Variants in TEAD1 observed in about 807,000 individuals in gnomAD.
The protein encoded by TEAD1 is TEA domain transcription factor 1.
A neutral mutation model predicts 54.9 loss-of-function variants in TEAD1; 9 were observed. The ratio of observed to expected loss-of-function variants is 0.16; its 90% CI spans 0.10 to 0.29. The LOEUF (loss-of-function observed/expected upper bound fraction) is 0.29, where lower values mean the gene tolerates loss of function less well. Ranked by LOEUF, TEAD1 falls within the 10% of genes least tolerant of loss-of-function variation. The pLI, the probability that TEAD1 is intolerant of heterozygous loss-of-function variation, is 1.00. For synonymous variants in TEAD1, 200 were observed against 187.8 expected (o/e 1.07, Z -0.53); for missense variants, 387 against 535.9 (o/e 0.72, Z 2.74).
In TEAD1 at chr11:12,944,517, A is replaced by T. The variant is rs1396381091; in HGVS notation, c.*7295A>T. The T allele has an allele frequency of 6.6e-6, 1 of 152,268 alleles. No individual in the cohort carries two copies. Among genetic ancestry groups the T allele is most frequent in the Admixed American group, 6.6e-5 (1 of 15,256 alleles). The allele number at this position is 152,268 out of a possible 1,614,324, so 9.4% of individuals were successfully genotyped here. A position where few individuals can be genotyped will look rare whatever the true frequency, so the allele number is the denominator to read the frequency against. On this transcript the variant is annotated 3_prime_UTR_variant, in exon 13 of 13. Transcript: ENST00000527636. ...AAAAATGTATTCTAGCTTTTGCGGT[A>T]CATATGTGTGATAACTTTAATACCC...
chr11:12,732,007 G>A (rs1944434587), intron 2 of TEAD1, among the ~76,000 whole-genome samples: 1 of 152,092 alleles, frequency 6.6e-6, no homozygotes, highest in Non-Finnish European at 1.5e-5. Flanking sequence ...GTCACACTGA[G>A]TCATTGAGCT....
In TEAD1 at chr11:12,751,886, G is replaced by A. The variant is rs201446676; in HGVS notation, c.-54-12293G>A. On this transcript the variant is annotated intron_variant, in intron 2 of 12. Transcript: ENST00000527636. ...TGAGCACTCTCTGAGGGGCCTGCCA[G>A]TGTGGCTCAGTGCACTTTGGTGGCT... Among the ~76,000 whole-genome samples the A allele has an allele frequency of 1.2e-4, 19 of 152,342 alleles. No homozygotes were observed. The East Asian group carries it at 3.7e-3, about 29-fold the overall frequency.
intron 2 of TEAD1, among the ~76,000 whole-genome samples, chr11:12,718,116 C>T (rs570474250): frequency 2.0e-5 from 3 of 152,276 alleles, no homozygotes; most frequent in Non-Finnish European, 4.4e-5. Context: ...AGTCATCATT[C>T]AGAGTCCGCT....
chr11:12,805,744 T>TA (rs1946156642), intron 3 of TEAD1, among the ~76,000 whole-genome samples: 1 of 152,220 alleles, frequency 6.6e-6, no homozygotes, highest in African/African-American at 2.4e-5. Context: ...TGTGATTAGA[T>TA]AAAGATTAGT....
intron 2 of TEAD1, among the ~76,000 whole-genome samples, chr11:12,692,677 G>A (rs1044804922): frequency 2.6e-5 from 4 of 152,128 alleles, no homozygotes; most frequent in Non-Finnish European, 5.9e-5. Flanking sequence ...TGTGCCCCGC[G>A]GTAAACTCAG....
intron 9 of TEAD1, among the ~76,000 whole-genome samples, chr11:12,897,176 A>G (rs1281595312): frequency 6.6e-6 from 1 of 152,240 alleles, no homozygotes; most frequent in Admixed American, 6.5e-5. Flanking sequence ...TTTGTGCCCC[A>G]TAGAATAGAA....
chr11:12,754,867 C>T (rs756741001), intron 2 of TEAD1, among the ~76,000 whole-genome samples: 27 of 152,164 alleles, frequency 1.8e-4, no homozygotes, highest in Non-Finnish European at 3.8e-4. Flanking sequence ...ATGCCTGTCT[C>T]AATAATTTAG....
intron 10 of TEAD1, among the ~76,000 whole-genome samples, chr11:12,921,930 G>T (rs1472846303): frequency 1.3e-5 from 2 of 152,010 alleles, no homozygotes; most frequent in Non-Finnish European, 2.9e-5. Flanking sequence ...TGCACACCTG[G>T]GTATTTTTGT....
At chr11:12,755,375 C>T (rs1944964284) in intron 2 of TEAD1, among the ~76,000 whole-genome samples, 1 of 152,122 alleles carries the variant, frequency 6.6e-6, no homozygotes, top group Non-Finnish European at 1.5e-5. Context: ...GTGAATCGTA[C>T]CAACTAAGAA....
rs142995417 is a variant in TEAD1 at position 12,743,992 on chromosome 11, C to T, written c.-54-20187C>T. Reference sequence around the variant, plus strand: ...AAACAACCAGTATAGTTGTACCAGTCGGGTACTGGAGGTGGTGTGGGAGAG... The same window carrying T: ...AAACAACCAGTATAGTTGTACCAGTTGGGTACTGGAGGTGGTGTGGGAGAG... On this transcript the variant is annotated intron_variant, in intron 2 of 12. Transcript: ENST00000527636. Among the ~76,000 whole-genome samples, 609 of 152,276 alleles carry T rather than the reference C, an allele frequency of 4.0e-3. 2 individuals carry two copies. The highest frequency in any genetic ancestry group is 0.014 in the African/African-American group (578 of 41,556).
At chr11:12,818,912 C>T (rs1415430674) in intron 3 of TEAD1, among the ~76,000 whole-genome samples, 1 of 152,174 alleles carries the variant, frequency 6.6e-6, no homozygotes, top group Non-Finnish European at 1.5e-5. Flanking sequence ...AAGAGAGCTA[C>T]AAATAGAAAG....
intron 5 of TEAD1, among the ~76,000 whole-genome samples, chr11:12,873,155 G>T (rs1273183761): frequency 6.6e-6 from 1 of 152,150 alleles, no homozygotes; most frequent in Non-Finnish European, 1.5e-5. Flanking sequence ...CCTCTTCATT[G>T]TGTCTTTATG....
At chr11:12,890,801 G>A (rs914131656) in intron 9 of TEAD1, among the ~76,000 whole-genome samples, 3 of 152,206 alleles carry the variant, frequency 2.0e-5, no homozygotes, top group South Asian at 2.1e-4. Flanking sequence ...GTTTTGCTTC[G>A]TCGCCCAGGC....
chr11:12,850,986 T>C (rs1242731574), intron 3 of TEAD1: 7 of 855,480 alleles, frequency 8.2e-6, no homozygotes, highest in Admixed American at 6.2e-5. Context: ...GTTGCAACTT[T>C]AAAAGGATTT....
chr11:12,925,110 T>G, intron 11 of TEAD1, 58 bp downstream of exon 11: 1 of 1,595,564 alleles, frequency 6.3e-7, no homozygotes, highest in Non-Finnish European at 8.6e-7. Context: ...TGCCTTCCTT[T>G]AAACCTTCCT....
rs138582835 is a variant in TEAD1, at chr11:12,844,726, T to A, written c.203-17524T>A. 2.3e-4 allele frequency among the ~76,000 whole-genome samples: 35 copies of A among 152,278 alleles called. No individual in the cohort carries two copies. In the East Asian group the frequency reaches 6.4e-3, roughly 28 times the overall value. On this transcript the variant is annotated intron_variant, in intron 3 of 12. Coordinates refer to ENST00000527636, the MANE Select transcript of TEAD1 (RefSeq NM_021961.6). ...TACTGAATGAAGTATCAGCTGCTGT[T>A]GGACAAGACCATAAAAGCCAGCCGG... is the stretch of plus-strand genomic sequence containing the variant.
At chr11:12,791,813 A>G (rs1945807983) in intron 3 of TEAD1, among the ~76,000 whole-genome samples, 1 of 152,238 alleles carries the variant, frequency 6.6e-6, no homozygotes. Context: ...CTAGGTGGCC[A>G]TAGGAAGGCC....
At chr11:12,895,322 G>A (rs1277139734) in intron 9 of TEAD1, among the ~76,000 whole-genome samples, 2 of 152,144 alleles carry the variant, frequency 1.3e-5, no homozygotes, top group Non-Finnish European at 2.9e-5. Flanking sequence ...GCAAAACAAA[G>A]AGAAAATGGA....
chr11:12,935,439 C>T (rs1290624372), intron 12 of TEAD1, among the ~76,000 whole-genome samples: 1 of 144,076 alleles, frequency 6.9e-6, no homozygotes, highest in Admixed American at 6.8e-5. Context: ...ATTCATTCAG[C>T]AATTATTTAT....
Sources: allele counts gnomAD v4.1 joint callset (sites outside exome capture counted in the v4.1 genomes callset), GRCh38; gene constraint gnomAD v4.1.1; transcripts MANE v1.5; gene names NCBI Gene and HGNC (gene_info 2026-07-23, HGNC 2026-07-21).